RASSF8: variants seen among roughly 807,000 people sequenced by gnomAD.
The protein encoded by RASSF8 is Ras association domain family member 8.
A neutral mutation model predicts 48.5 loss-of-function variants in RASSF8; 22 were observed. That is an observed-to-expected ratio of 0.45 (90% CI 0.32 to 0.65). The LOEUF (loss-of-function observed/expected upper bound fraction) is 0.65. Ranked by LOEUF, RASSF8 falls within the 30% of genes least tolerant of loss-of-function variation. The pLI is 0.03. For missense variants in RASSF8, 418 were observed against 489.2 expected (o/e 0.85, Z 1.37); for synonymous variants, 127 against 171.5 (o/e 0.74, Z 2.03).
chr12:26,019,118 G>A (rs1495658), intron 2 of RASSF8, among the ~76,000 whole-genome samples: 137,680 of 152,196 alleles, frequency 0.9, 62,374 homozygotes, highest in East Asian at 0.99. Flanking sequence ...AGTGATCGTA[G>A]CTGTCCCTTG....
chr12:25,961,724 C>G (rs1298978991), intron 1 of RASSF8, among the ~76,000 whole-genome samples: 1 of 152,090 alleles, frequency 6.6e-6, no homozygotes, highest in South Asian at 2.1e-4. Context: ...ACATTTCAGC[C>G]AATAAATGAC....
chr12:26,042,612 ATT>A (rs988573080), intron 2 of RASSF8, among the ~76,000 whole-genome samples: 2 of 150,274 alleles, frequency 1.3e-5, no homozygotes, highest in Admixed American at 1.3e-4. Flanking sequence ...TACTGTGCTG[ATT>A]TTTTTTTCAT....
At chr12:25,980,111 A>G (rs1294618761) in intron 1 of RASSF8, among the ~76,000 whole-genome samples, 1 of 152,198 alleles carries the variant, frequency 6.6e-6, no homozygotes, top group East Asian at 1.9e-4. Context: ...TTTTCTAAGT[A>G]CCGACCTCCA....
chr12:26,061,558 T>TAGAC (rs891951411), intron 3 of RASSF8, among the ~76,000 whole-genome samples: 2 of 150,066 alleles, frequency 1.3e-5, no homozygotes, highest in African/African-American at 4.9e-5. Context: ...ATGCCATAGA[T>TAGAC]AGACAGACAG....
chr12:26,005,666 G>A (rs571870266), intron 2 of RASSF8, among the ~76,000 whole-genome samples: 3 of 152,172 alleles, frequency 2.0e-5, no homozygotes, highest in Non-Finnish European at 4.4e-5. Flanking sequence ...CATCGTTTCT[G>A]CCTTTGAGGA....
intron 2 of RASSF8, among the ~76,000 whole-genome samples, chr12:26,025,917 C>A (rs181016831): frequency 6.6e-6 from 1 of 152,018 alleles, no homozygotes; most frequent in African/African-American, 2.4e-5. Flanking sequence ...ATCTCATGTT[C>A]ATGGATCTGT....
chr12:26,050,338 AAAAG>A (rs1387229882), intron 2 of RASSF8, among the ~76,000 whole-genome samples: 3 of 152,312 alleles, frequency 2.0e-5, no homozygotes, highest in Admixed American at 6.5e-5. Flanking sequence ...CCTTCCATAA[AAAAG>A]AAGTTTATAC....
At chr12:26,014,399 G>A (rs1942598712) in intron 2 of RASSF8, among the ~76,000 whole-genome samples, 1 of 152,192 alleles carries the variant, frequency 6.6e-6, no homozygotes, top group Admixed American at 6.5e-5. Context: ...ATGTGTCTGT[G>A]TTAACTTTCT....
intron 2 of RASSF8, among the ~76,000 whole-genome samples, chr12:26,009,221 A>G (rs1020600144): frequency 6.6e-6 from 1 of 152,178 alleles, no homozygotes; most frequent in Non-Finnish European, 1.5e-5. Flanking sequence ...AATAAATTTT[A>G]ATTCCACACT....
At chr12:26,043,088 A>G (rs1943300386) in intron 2 of RASSF8, among the ~76,000 whole-genome samples, 1 of 152,166 alleles carries the variant, frequency 6.6e-6, no homozygotes, top group Non-Finnish European at 1.5e-5. Context: ...ATTCTGTGCC[A>G]GCCACTATGC....
chr12:26,013,369 T>G (rs1942575129), intron 2 of RASSF8, among the ~76,000 whole-genome samples: 1 of 152,218 alleles, frequency 6.6e-6, no homozygotes, highest in African/African-American at 2.4e-5. Context: ...AGCAAACCCA[T>G]AGAGATATCC....
rs1439052300 is a variant in RASSF8, at chr12:26,064,713, C to T, written c.319C>T (p.Pro107Ser). Reference protein sequence around the residue: ...PERTLYRQSLPPLAKLRPQID... With the variant: ...PERTLYRQSLSPLAKLRPQID... Reference sequence around the variant, plus strand: ...AAGAACTTTATACAGGCAGAGTCTGCCCCCCTTAGCTAAACTGAGGCCTCA... The same window carrying T: ...AAGAACTTTATACAGGCAGAGTCTGTCCCCCTTAGCTAAACTGAGGCCTCA... The change falls in exon 4 of 6, where the codon CCC becomes TCC. Residue 107 changes from proline (P) to serine (S), a missense_variant. Physicochemically the swap from Pro to Ser is moderately conservative, Grantham distance 74 (BLOSUM62 -1). Coordinates refer to ENST00000689635, the MANE Select transcript of RASSF8 (RefSeq NM_001394098.1). 33 of 1,613,930 alleles carry T rather than the reference C, an allele frequency of 2.0e-5. No homozygotes were observed. The highest frequency in any genetic ancestry group is 2.5e-5 in the Non-Finnish European group (30 of 1,179,996).
chr12:26,022,854 G>A (rs1942820097), intron 2 of RASSF8, among the ~76,000 whole-genome samples: 1 of 152,226 alleles, frequency 6.6e-6, no homozygotes, highest in African/African-American at 2.4e-5. Context: ...CAGTTCTCCT[G>A]CCTCAGCCTC....
intron 2 of RASSF8, among the ~76,000 whole-genome samples, chr12:26,016,601 CTG>C (rs1160297553): frequency 6.6e-6 from 1 of 151,110 alleles, no homozygotes; most frequent in Non-Finnish European, 1.5e-5. Flanking sequence ...AGTGGGCAAA[CTG>C]TTTTTAGGTA....
chr12:26,013,073 C>T (rs761851844), intron 2 of RASSF8, among the ~76,000 whole-genome samples: 26 of 152,048 alleles, frequency 1.7e-4, no homozygotes, highest in East Asian at 3.9e-4. Flanking sequence ...GTATATCTCC[C>T]GGAGCTAAAA....
chr12:26,020,041 C>T (rs939251410), intron 2 of RASSF8: 1 of 151,858 alleles, frequency 6.6e-6, no homozygotes, highest in Admixed American at 6.6e-5. Context: ...TTCTTGTCAC[C>T]TTTTATGGCA....
chr12:26,022,121 A>G (rs1942800320), intron 2 of RASSF8, among the ~76,000 whole-genome samples: 1 of 152,184 alleles, frequency 6.6e-6, no homozygotes, highest in African/African-American at 2.4e-5. Context: ...ATACTCTAGA[A>G]CATTGTTGAA....
intron 1 of RASSF8, among the ~76,000 whole-genome samples, chr12:25,975,936 G>A (rs1311430409): frequency 6.6e-6 from 1 of 152,182 alleles, no homozygotes; most frequent in Non-Finnish European, 1.5e-5. Context: ...ACAGTGTCTA[G>A]ACTCAGTCAG....
chr12:26,008,228 G>A (rs1942437423), intron 2 of RASSF8, among the ~76,000 whole-genome samples: 1 of 151,918 alleles, frequency 6.6e-6, no homozygotes, highest in Non-Finnish European at 1.5e-5. Context: ...AGCCGAGAAA[G>A]CCACTGAATT....
Sources: gnomAD v4.1 joint callset for allele counts (sites outside exome capture counted in the v4.1 genomes callset) on GRCh38, gnomAD v4.1.1 for gene constraint, MANE v1.5 for transcripts, NCBI Gene and HGNC (gene_info 2026-07-23, HGNC 2026-07-21) for gene names.